Variants in COL12A1 observed in about 807,000 individuals in gnomAD.
The protein encoded by COL12A1 is collagen alpha-1(XII) chain.
In COL12A1, 114 loss-of-function variants were observed where a neutral mutation model predicts 349.7. The ratio of observed to expected loss-of-function variants is 0.33; its 90% confidence interval spans 0.28 to 0.38. The LOEUF (loss-of-function observed/expected upper bound fraction) is 0.38, where lower values mean the gene tolerates loss of function less well. COL12A1 is among the 10% of genes least tolerant of loss of function. COL12A1 has a pLI of 1.00. For synonymous variants in COL12A1, 1,369 were observed against 1,329.0 expected (o/e 1.03, Z -0.66); for missense variants, 3,284 against 3,756.9 (o/e 0.87, Z 3.29).
At chr6:75,173,836 T>A (rs1314427460) in intron 13 of COL12A1, among the ~76,000 whole-genome samples, 1 of 152,236 alleles carries the variant, frequency 6.6e-6, no homozygotes. Context: ...TTTTGCTTAG[T>A]CACTGTGATT....
At chr6:75,148,300 A>G in intron 22 of COL12A1, 58 bp downstream of exon 22, 1 of 1,550,182 alleles carries the variant, frequency 6.5e-7, no homozygotes, top group Non-Finnish European at 8.8e-7. Flanking sequence ...CAGAGTCCTA[A>G]TGAGGAGGAC....
intron 14 of COL12A1, among the ~76,000 whole-genome samples, chr6:75,157,315 A>G (rs1384298604): frequency 2.0e-5 from 3 of 152,114 alleles, no homozygotes; most frequent in Non-Finnish European, 4.4e-5. Context: ...AAAAGAACAT[A>G]AACATGTTCT....
In COL12A1 at chr6:75,121,452, A is replaced by C; in HGVS notation, c.6947-11T>G. 1 of 1,528,324 alleles carries C rather than the reference A, an allele frequency of 6.5e-7. No individual in the cohort carries two copies. The highest frequency in any genetic ancestry group is 1.9e-5 in the Admixed American group (1 of 51,772). 94.7% of individuals were successfully genotyped at this position (1,528,324 alleles called of 1,614,324 possible). ...TGGCCCCTTTGCATACTGCAAAAAA[A>C]GAAAGCAGAGGAAGCCCCAAATCTC... On this transcript the variant is annotated splice_polypyrimidine_tract_variant and intron_variant, in intron 43 of 65. Transcript: ENST00000322507.
chr6:75,202,374 T>A (rs1686819455), intron 2 of COL12A1, among the ~76,000 whole-genome samples: 1 of 152,130 alleles, frequency 6.6e-6, no homozygotes. Flanking sequence ...CCCGGAGGTG[T>A]CCTGTTGGTT....
intron 26 of COL12A1, 86 bp from the exon 27 acceptor site, chr6:75,142,247 A>G (rs1168712151): frequency 1.4e-6 from 2 of 1,472,664 alleles, no homozygotes; most frequent in African/African-American, 2.8e-5. Flanking sequence ...CTGTCAGCGT[A>G]AGAATATAAA....
chr6:75,177,132 G>A (rs1183037873), intron 12 of COL12A1, among the ~76,000 whole-genome samples: 2 of 151,988 alleles, frequency 1.3e-5, no homozygotes, highest in African/African-American at 4.8e-5. Context: ...CTATATCCTA[G>A]CATTTAAATT....
chr6:75,116,101 G>A lies in COL12A1; in HGVS notation c.7520-44C>T, dbSNP rs1449840406. 27 of 1,582,924 alleles carry A rather than the reference G, an allele frequency of 1.7e-5. No homozygotes were observed. The Middle Eastern group carries it at 5.3e-4, about 31-fold the overall frequency. On this transcript the variant is annotated intron_variant, in intron 47 of 65. Coordinates refer to ENST00000322507, the MANE Select transcript of COL12A1 (RefSeq NM_004370.6). Reference sequence around the variant, plus strand: ...TTTAAGTATGATTCACCAACACGATGTACAAATTATATATGCACAGAAAGT... The same window carrying A: ...TTTAAGTATGATTCACCAACACGATATACAAATTATATATGCACAGAAAGT...
At chr6:75,116,213 T>C (rs1247327082) in intron 47 of COL12A1, among the ~76,000 whole-genome samples, 156 bp from the exon 48 acceptor site, 1 of 152,164 alleles carries the variant, frequency 6.6e-6, no homozygotes, top group East Asian at 1.9e-4. Flanking sequence ...TTATTTCTTG[T>C]ACATTTCCTA....
At chr6:75,095,740 A>T (rs1767991746) in intron 59 of COL12A1, among the ~76,000 whole-genome samples, 2 of 152,220 alleles carry the variant, frequency 1.3e-5, no homozygotes, top group African/African-American at 4.8e-5. Flanking sequence ...CCAGTTGAAA[A>T]ATACACGCAT....
chr6:75,101,942 A>G lies in COL12A1; in HGVS notation c.8469+57T>C. The G allele has an allele frequency of 3.8e-6, 6 of 1,577,108 alleles. No homozygotes were observed. The South Asian group carries it at 6.7e-5, about 18-fold the overall frequency. The stretch of plus-strand genomic sequence containing the variant: ...TTAATCTGGGTTCACCTTTTGAGGC[A>G]CTAGAAAAGGAAATTTTCAAATAGC... On this transcript the variant is annotated intron_variant, in intron 57 of 65. Transcript: ENST00000322507.
Position 75,084,427 on chromosome 6 carries a change from C to G in COL12A1, c.*2120G>C, listed in dbSNP as rs898279231. 2 of 152,578 alleles carry G rather than the reference C, an allele frequency of 1.3e-5. No individual in the cohort carries two copies. The highest frequency in any genetic ancestry group is 4.8e-5 in the African/African-American group (2 of 41,432). 9.5% of individuals were successfully genotyped at this position (152,578 alleles called of 1,614,324 possible). A position where few individuals can be genotyped will look rare whatever the true frequency, so the allele number is the denominator to read the frequency against. ...ATCTGCAGTTAAAATATAAAAGCAG[C>G]AATTCTATGTTCATAGTCTTGCAAA... On this transcript the variant is annotated 3_prime_UTR_variant, in exon 66 of 66. Coordinates refer to ENST00000322507, the MANE Select transcript of COL12A1 (RefSeq NM_004370.6).
intron 51 of COL12A1, among the ~76,000 whole-genome samples, chr6:75,109,811 T>A (rs1445064692): frequency 3.3e-5 from 5 of 152,100 alleles, no homozygotes; most frequent in Admixed American, 3.3e-4. Context: ...AGATAATTAA[T>A]AAAATGTTTG....
At chr6:75,155,136 G>T (rs1182855745) in intron 16 of COL12A1, among the ~76,000 whole-genome samples, 1 of 152,102 alleles carries the variant, frequency 6.6e-6, no homozygotes, top group Non-Finnish European at 1.5e-5. Flanking sequence ...AAACTTCCTT[G>T]TTTTTCACTG....
At chr6:75,132,419 A>G (rs114180593) in intron 34 of COL12A1, among the ~76,000 whole-genome samples, 1 of 152,238 alleles carries the variant, frequency 6.6e-6, no homozygotes, top group South Asian at 2.1e-4. Flanking sequence ...GGAGAGAGGA[A>G]GAAGAGACAT....
At chr6:75,087,896 A>T in intron 64 of COL12A1, 149 bp from the exon 65 acceptor site, 3 of 806,052 alleles carry the variant, frequency 3.7e-6, no homozygotes, top group Non-Finnish European at 5.7e-6. Context: ...AGAAATACCC[A>T]ATATGAACCA....
In COL12A1 at chr6:75,117,365, T is replaced by C. The variant is rs2149363447; in HGVS notation, c.7519+17A>G. 6.2e-7 allele frequency: 1 copy of C among 1,612,112 alleles called. No individual in the cohort carries two copies. The highest frequency in any genetic ancestry group is 8.5e-7 in the Non-Finnish European group (1 of 1,178,626). The stretch of plus-strand genomic sequence containing the variant: ...CAGAATAAGTGAGGTTATAGATCCA[T>C]GTTGACTGTGACTTACTTGAAGTGG... On this transcript the variant is annotated intron_variant, in intron 47 of 65. Transcript: ENST00000322507.
At chr6:75,193,654 A>ATGTGCCATGTTGG (rs1487124046) in intron 3 of COL12A1, among the ~76,000 whole-genome samples, 1 of 152,200 alleles carries the variant, frequency 6.6e-6, no homozygotes, top group East Asian at 1.9e-4. Flanking sequence ...GTATGTATAC[A>ATGTGCCATGTTGG]TGTGCCATGT....
intron 13 of COL12A1, among the ~76,000 whole-genome samples, chr6:75,166,942 C>G (rs1310144669): frequency 1.3e-5 from 2 of 152,042 alleles, no homozygotes; most frequent in East Asian, 3.9e-4. Flanking sequence ...GCCTACCAGA[C>G]CCCAAGCCCA....
At chr6:75,107,049 G>A (rs1020499889) in intron 52 of COL12A1, among the ~76,000 whole-genome samples, 2 of 150,884 alleles carry the variant, frequency 1.3e-5, no homozygotes, top group Non-Finnish European at 3.0e-5. Context: ...TTATAGGCGT[G>A]CACCACCATG....
Sources: gnomAD v4.1 joint callset for allele counts (sites outside exome capture counted in the v4.1 genomes callset) on GRCh38, gnomAD v4.1.1 for gene constraint, MANE v1.5 for transcripts, NCBI Gene and HGNC (gene_info 2026-07-23, HGNC 2026-07-21) for gene names.